Variants in NLGN1 observed in about 807,000 individuals in gnomAD.
NLGN1 encodes neuroligin 1, also known as neuroligin-1.
NLGN1 carries 12 observed loss-of-function variants against 65.5 expected under a neutral mutation model. That is an observed-to-expected ratio of 0.18 (90% CI 0.12 to 0.30). The LOEUF (loss-of-function observed/expected upper bound fraction) is 0.30, where lower values mean the gene tolerates loss of function less well. Among genes scored for constraint, NLGN1 ranks in the 10% least tolerant of loss-of-function variants. NLGN1 has a pLI of 1.00. For synonymous variants in NLGN1, 350 were observed against 359.5 expected (o/e 0.97, Z 0.30); for missense variants, 750 against 1,007.1 (o/e 0.74, Z 3.46).
intron 2 of NLGN1, among the ~76,000 whole-genome samples, chr3:173,552,704 G>A (rs1293641631): frequency 6.6e-6 from 1 of 152,118 alleles, no homozygotes; most frequent in African/African-American, 2.4e-5. Context: ...CCTCCTGCCT[G>A]CAAACGGCAT....
intron 2 of NLGN1, among the ~76,000 whole-genome samples, chr3:173,492,685 A>G (rs912612470): frequency 1.3e-5 from 2 of 151,902 alleles, no homozygotes; most frequent in Admixed American, 6.6e-5. Flanking sequence ...TTTTAAAGAT[A>G]TTAAATCAGA....
chr3:173,477,853 A>G (rs1726515819), intron 2 of NLGN1, among the ~76,000 whole-genome samples: 1 of 152,136 alleles, frequency 6.6e-6, no homozygotes, highest in African/African-American at 2.4e-5. Context: ...TTTAAGTGAG[A>G]TACCATCTCA....
chr3:173,646,273 T>C (rs1758259929), intron 3 of NLGN1, among the ~76,000 whole-genome samples: 1 of 152,150 alleles, frequency 6.6e-6, no homozygotes, highest in Non-Finnish European at 1.5e-5. Flanking sequence ...AATTAAGACC[T>C]TTTGGAGGCT....
At chr3:173,451,221 C>T (rs892764320) in intron 2 of NLGN1, among the ~76,000 whole-genome samples, 11 of 152,112 alleles carry the variant, frequency 7.2e-5, no homozygotes, top group East Asian at 1.9e-4. Context: ...ATGATCGTGA[C>T]GTACAGATGG....
At chr3:173,675,631 C>T (rs920352307) in intron 3 of NLGN1, among the ~76,000 whole-genome samples, 1 of 151,952 alleles carries the variant, frequency 6.6e-6, no homozygotes, top group Admixed American at 6.6e-5. Flanking sequence ...GTTATCGATG[C>T]CAGGAAACCA....
intron 4 of NLGN1, among the ~76,000 whole-genome samples, chr3:174,206,310 G>A (rs1347360481): frequency 6.6e-6 from 1 of 152,138 alleles, no homozygotes; most frequent in Non-Finnish European, 1.5e-5. Context: ...ATCAGATACT[G>A]GGCTCGAGGA....
chr3:173,534,600 T>G lies in NLGN1; in HGVS notation c.-320-69679T>G, dbSNP rs545812242. Among the ~76,000 whole-genome samples, 6 of 152,338 alleles carry G rather than the reference T, an allele frequency of 3.9e-5. No individual in the cohort carries two copies. The South Asian group carries it at 1.2e-3, about 32-fold the overall frequency. ...ATGCTTTCTAGGGCAGGAGCTATAATAGTAAGAATCAACTAAAATGAATGG... is the reference window on the plus strand; with the variant it reads ...ATGCTTTCTAGGGCAGGAGCTATAAGAGTAAGAATCAACTAAAATGAATGG... On this transcript the variant is annotated intron_variant, in intron 2 of 6. Transcript: ENST00000457714.
chr3:173,702,575 T>C (rs1260015215), intron 3 of NLGN1, among the ~76,000 whole-genome samples: 1 of 152,252 alleles, frequency 6.6e-6, no homozygotes, highest in Admixed American at 6.5e-5. Flanking sequence ...AAGAATTTTA[T>C]TCTATTAAAA....
intron 3 of NLGN1, among the ~76,000 whole-genome samples, chr3:173,774,003 C>T (rs180828420): frequency 1.7e-3 from 259 of 152,202 alleles, no homozygotes; most frequent in African/African-American, 5.7e-3. Flanking sequence ...AATATGTGTG[C>T]GTGTCTAAGA....
chr3:173,428,310 A>G (rs1716525864), intron 1 of NLGN1, among the ~76,000 whole-genome samples: 2 of 151,590 alleles, frequency 1.3e-5, no homozygotes, highest in African/African-American at 4.8e-5. Flanking sequence ...ACTTACTACT[A>G]CCATTTTGTT....
intron 2 of NLGN1, among the ~76,000 whole-genome samples, chr3:173,530,072 C>T (rs1490624467): frequency 2.0e-5 from 3 of 152,070 alleles, no homozygotes; most frequent in African/African-American, 7.3e-5. Context: ...ATTATCCTGC[C>T]TCAGTCTCCT....
chr3:174,289,955 G>GTA (rs10554819), downstream of NLGN1, among the ~76,000 whole-genome samples: 18 of 105,402 alleles, frequency 1.7e-4, no homozygotes, highest in Admixed American at 5.1e-4. Context: ...ATATATATGT[G>GTA]TATATATATA....
At chr3:173,808,453 T>C (rs1717143919) in intron 4 of NLGN1, among the ~76,000 whole-genome samples, 1 of 152,194 alleles carries the variant, frequency 6.6e-6, no homozygotes, top group Admixed American at 6.5e-5. Context: ...TTAGCTTTGA[T>C]AAAAAGTATA....
At chr3:173,602,028 G>A (rs952514820) in intron 2 of NLGN1, among the ~76,000 whole-genome samples, 2 of 151,950 alleles carry the variant, frequency 1.3e-5, no homozygotes, top group African/African-American at 4.8e-5. Context: ...TCATAAGGAT[G>A]GCCTTTAAAT....
At chr3:173,932,800 G>A (rs1744343391) in intron 4 of NLGN1, among the ~76,000 whole-genome samples, 1 of 152,050 alleles carries the variant, frequency 6.6e-6, no homozygotes, top group African/African-American at 2.4e-5. Context: ...TGAGTGCCAG[G>A]GAATAGCTGA....
chr3:173,929,177 T>G (rs1743582887), intron 4 of NLGN1, among the ~76,000 whole-genome samples: 1 of 152,106 alleles, frequency 6.6e-6, no homozygotes, highest in Admixed American at 6.5e-5. Context: ...TTACATGAAG[T>G]TCTTACTTTT....
At chr3:173,667,876 T>C (rs1761932612) in intron 3 of NLGN1, among the ~76,000 whole-genome samples, 1 of 152,086 alleles carries the variant, frequency 6.6e-6, no homozygotes, top group Non-Finnish European at 1.5e-5. Flanking sequence ...CATGATCCGC[T>C]TGTCTTGGTT....
intron 4 of NLGN1, among the ~76,000 whole-genome samples, chr3:174,099,344 C>T (rs1711866731): frequency 6.6e-6 from 1 of 152,094 alleles, no homozygotes; most frequent in South Asian, 2.1e-4. Context: ...TTATTTGCTG[C>T]TGTAGATAAC....
intron 4 of NLGN1, among the ~76,000 whole-genome samples, chr3:174,105,573 A>C (rs1038580148): frequency 3.3e-5 from 5 of 151,852 alleles, no homozygotes; most frequent in Non-Finnish European, 7.4e-5. Flanking sequence ...GCAAAACCAG[A>C]AAACAAAGAA....
Sources: gnomAD v4.1 joint callset for allele counts (sites outside exome capture counted in the v4.1 genomes callset) on GRCh38, gnomAD v4.1.1 for gene constraint, MANE v1.5 for transcripts, NCBI Gene and HGNC (gene_info 2026-07-23, HGNC 2026-07-21) for gene names.